PCDH15: variants seen among roughly 807,000 people sequenced by gnomAD.
PCDH15 encodes protocadherin-15.
Under a neutral mutation model 178.5 loss-of-function variants are expected in PCDH15, and 129 were observed. The observed-to-expected ratio is 0.72, with a 90% CI of 0.63 to 0.84. The LOEUF (loss-of-function observed/expected upper bound fraction) is 0.84, where lower values mean the gene tolerates loss of function less well. PCDH15 is among the 40% of genes least tolerant of loss of function. The pLI, the probability that PCDH15 is intolerant of heterozygous loss-of-function variation, is 0.00. For synonymous variants in PCDH15, 800 were observed against 732.0 expected (o/e 1.09, Z -1.50); for missense variants, 2,230 against 2,099.9 (o/e 1.06, Z -1.21).
At chr10:54,347,912 G>A (rs939832232) in intron 5 of PCDH15, among the ~76,000 whole-genome samples, 24 of 151,970 alleles carry the variant, frequency 1.6e-4, no homozygotes, top group Middle Eastern at 3.4e-3. Flanking sequence ...GCAGTGGCAC[G>A]GTCTCGGCTT....
At chr10:55,622,449 A>G (rs1354988826) in intron 2 of PCDH15, among the ~76,000 whole-genome samples, 2 of 152,010 alleles carry the variant, frequency 1.3e-5, no homozygotes, top group Non-Finnish European at 2.9e-5. Flanking sequence ...GAAAAATGAA[A>G]AAACATAGTT....
intron 20 of PCDH15, among the ~76,000 whole-genome samples, chr10:54,012,862 T>C (rs1343264843): frequency 6.6e-6 from 1 of 152,024 alleles, no homozygotes; most frequent in Non-Finnish European, 1.5e-5. Flanking sequence ...TATAAAGCAA[T>C]GACATAAGTC....
chr10:54,682,237 A>G (rs897145666), intron 1 of PCDH15, among the ~76,000 whole-genome samples: 2 of 152,140 alleles, frequency 1.3e-5, no homozygotes, highest in African/African-American at 4.8e-5. Flanking sequence ...AAGTTTACCA[A>G]TTAAAATATT....
intron 2 of PCDH15, among the ~76,000 whole-genome samples, chr10:54,623,432 A>G (rs1291823263): frequency 2.0e-5 from 3 of 152,108 alleles, no homozygotes; most frequent in African/African-American, 7.2e-5. Flanking sequence ...TTTACATAAT[A>G]CTATCTACTT....
At chr10:54,445,249 T>C (rs918175758) in intron 3 of PCDH15, among the ~76,000 whole-genome samples, 7 of 151,592 alleles carry the variant, frequency 4.6e-5, no homozygotes, top group African/African-American at 1.7e-4. Context: ...TTTTATTTTA[T>C]ATTTGTTATC....
chr10:53,954,356 C>T (rs1331343130), intron 23 of PCDH15, among the ~76,000 whole-genome samples: 1 of 152,010 alleles, frequency 6.6e-6, no homozygotes, highest in East Asian at 1.9e-4. Context: ...TGTTATATTC[C>T]AGCAACTAAT....
At chr10:55,556,708 G>A (rs1440909194) in intron 2 of PCDH15, among the ~76,000 whole-genome samples, 1 of 152,054 alleles carries the variant, frequency 6.6e-6, no homozygotes, top group African/African-American at 2.4e-5. Flanking sequence ...ATGTGGTGGC[G>A]CGTGTGCGTG....
intron 13 of PCDH15, among the ~76,000 whole-genome samples, chr10:54,179,787 C>A (rs2047804549): frequency 6.6e-6 from 1 of 152,056 alleles, no homozygotes. Flanking sequence ...TTAAAAGTTC[C>A]TCAGGCAGAA....
chr10:55,528,333 G>T (rs1035394093), intron 2 of PCDH15, among the ~76,000 whole-genome samples: 2 of 151,766 alleles, frequency 1.3e-5, no homozygotes, highest in Non-Finnish European at 1.5e-5. Context: ...CCCATTAACT[G>T]CTCATTTACA....
chr10:54,258,523 C>T (rs2057081280), intron 8 of PCDH15, among the ~76,000 whole-genome samples: 2 of 152,088 alleles, frequency 1.3e-5, no homozygotes, highest in African/African-American at 4.8e-5. Flanking sequence ...GGCAGAATCA[C>T]ATCATGACAC....
intron 8 of PCDH15, among the ~76,000 whole-genome samples, chr10:54,258,301 G>A (rs2057068412): frequency 6.6e-6 from 1 of 152,146 alleles, no homozygotes; most frequent in Non-Finnish European, 1.5e-5. Flanking sequence ...TCAAGAACGG[G>A]AAGACATATT....
chr10:54,886,999 A>G (rs1954370920), intron 3 of PCDH15, among the ~76,000 whole-genome samples: 1 of 152,188 alleles, frequency 6.6e-6, no homozygotes, highest in South Asian at 2.1e-4. Context: ...TTTTTATTGC[A>G]TGTGTTAGTT....
intron 2 of PCDH15, among the ~76,000 whole-genome samples, chr10:55,575,403 G>A (rs2132114089): frequency 6.6e-6 from 1 of 152,210 alleles, no homozygotes; most frequent in East Asian, 1.9e-4. Flanking sequence ...AAATAAAAGT[G>A]TATGTTTTTT....
intron 2 of PCDH15, among the ~76,000 whole-genome samples, chr10:55,036,632 A>C (rs1422309823): frequency 1.3e-5 from 2 of 152,164 alleles, no homozygotes; most frequent in Admixed American, 1.3e-4. Context: ...AAGCAACTGC[A>C]ATTTCCTTGA....
At chr10:53,952,505 T>G (rs1271232379) in intron 23 of PCDH15, among the ~76,000 whole-genome samples, 1 of 151,944 alleles carries the variant, frequency 6.6e-6, no homozygotes, top group Non-Finnish European at 1.5e-5. Flanking sequence ...AGGGAGAAAG[T>G]GATATTGCTG....
chr10:55,499,685 A>T (rs1228904330), intron 2 of PCDH15, among the ~76,000 whole-genome samples: 1 of 151,774 alleles, frequency 6.6e-6, no homozygotes, highest in Non-Finnish European at 1.5e-5. Context: ...AAAAAATTCC[A>T]TGTTGACATG....
At chr10:53,822,416 G>T in intron 32 of PCDH15, 2 of 1,579,838 alleles carry the variant, frequency 1.3e-6, no homozygotes, top group Non-Finnish European at 1.7e-6. Flanking sequence ...AAGGAGAAAT[G>T]TCAGGAGGAG....
At chr10:54,919,480 T>C (rs148075946) in intron 2 of PCDH15, among the ~76,000 whole-genome samples, 37 of 152,304 alleles carry the variant, frequency 2.4e-4, no homozygotes, top group African/African-American at 7.9e-4. Context: ...TTTAAGATAC[T>C]TCCTCTGAAC....
At chr10:55,403,230 T>G (rs1344366534) in intron 2 of PCDH15, among the ~76,000 whole-genome samples, 2 of 151,822 alleles carry the variant, frequency 1.3e-5, no homozygotes, top group African/African-American at 4.8e-5. Flanking sequence ...TTTATTTTTT[T>G]GCTGGTGAGT....
Sources: allele counts gnomAD v4.1 joint callset (sites outside exome capture counted in the v4.1 genomes callset), GRCh38; gene constraint gnomAD v4.1.1; transcripts MANE v1.5; gene names NCBI Gene and HGNC (gene_info 2026-07-23, HGNC 2026-07-21).